Variants in FER observed in about 807,000 individuals in gnomAD.
FER encodes tyrosine-protein kinase Fer.
A neutral mutation model predicts 111.0 loss-of-function variants in FER; 63 were observed. The ratio of observed to expected loss-of-function variants is 0.57; its 90% CI spans 0.46 to 0.70. The LOEUF is 0.70. Ranked by LOEUF, FER falls within the 30% of genes least tolerant of loss-of-function variation. FER has a pLI of 0.00. For synonymous variants in FER, 327 were observed against 313.9 expected, an observed-to-expected ratio of 1.04 and a Z score of -0.44; for missense variants, 914 against 954.0, an observed-to-expected ratio of 0.96 and a Z score of 0.55.
At chr5:108,845,009 T>TAC (rs1761776695) in intron 5 of FER, among the ~76,000 whole-genome samples, 3 of 33,134 alleles carry the variant, frequency 9.1e-5, no homozygotes, top group Admixed American at 3.8e-4. Context: ...TATATATATA[T>TAC]ATATATATAT....
At chr5:108,870,225 A>T (rs923335886) in intron 6 of FER, among the ~76,000 whole-genome samples, 1 of 152,114 alleles carries the variant, frequency 6.6e-6, no homozygotes, top group Non-Finnish European at 1.5e-5. Flanking sequence ...ATCACCACAG[A>T]TGAATCTCAT....
At chr5:108,912,731 G>A (rs554017731) in intron 10 of FER, among the ~76,000 whole-genome samples, 1 of 152,236 alleles carries the variant, frequency 6.6e-6, no homozygotes, top group South Asian at 2.1e-4. Context: ...TGAAAGAAGA[G>A]CAAAACAAGA....
intron 2 of FER, among the ~76,000 whole-genome samples, chr5:108,790,362 A>G (rs1164443348): frequency 2.0e-5 from 3 of 152,202 alleles, no homozygotes; most frequent in African/African-American, 7.2e-5. Flanking sequence ...TATTGAAGTT[A>G]GAGAGCTAAA....
intron 13 of FER, among the ~76,000 whole-genome samples, chr5:109,001,590 C>G (rs966747870): frequency 1.3e-5 from 2 of 152,200 alleles, no homozygotes; most frequent in Non-Finnish European, 2.9e-5. Context: ...GGGATGCCCT[C>G]TCTCACCACT....
rs556232935 is a variant in FER, at chr5:108,886,147, G to A, written c.1046+2629G>A. Among the ~76,000 whole-genome samples the A allele has an allele frequency of 8.6e-5, 13 of 151,866 alleles. No homozygotes were observed. The East Asian group carries it at 2.5e-3, about 29-fold the overall frequency. ...TGTCTGGCTATAAGTTGTTGGAGGA[G>A]ATGATCTTTAAGGGCTCCCTAATCT... On this transcript the variant is annotated intron_variant, in intron 9 of 19. Transcript: ENST00000281092.
intron 17 of FER, among the ~76,000 whole-genome samples, chr5:109,153,998 A>G (rs1755111468): frequency 6.6e-6 from 1 of 151,844 alleles, no homozygotes; most frequent in Admixed American, 6.6e-5. Context: ...GATCTTTCTC[A>G]AGTCATTGTC....
At chr5:109,070,991 A>G (rs1775701182) in intron 16 of FER, among the ~76,000 whole-genome samples, 1 of 152,036 alleles carries the variant, frequency 6.6e-6, no homozygotes, top group African/African-American at 2.4e-5. Flanking sequence ...TGCTGTGGAT[A>G]ATATATACCA....
chr5:109,056,580 G>A (rs1028559449), intron 16 of FER, among the ~76,000 whole-genome samples: 3 of 152,160 alleles, frequency 2.0e-5, no homozygotes, highest in African/African-American at 7.2e-5. Flanking sequence ...AGAGGAAATG[G>A]GAAGATGTAG....
At chr5:109,047,325 CAA>C (rs1772126795) in intron 16 of FER, 127 bp downstream of exon 16, 7 of 588,590 alleles carry the variant, frequency 1.2e-5, no homozygotes, top group Non-Finnish European at 1.8e-5. Context: ...TTCCAGATAA[CAA>C]AAGAGTCTGT....
chr5:109,074,856 C>G (rs942482561), intron 16 of FER, among the ~76,000 whole-genome samples: 1 of 152,176 alleles, frequency 6.6e-6, no homozygotes, highest in African/African-American at 2.4e-5. Flanking sequence ...TGTTAGTTTG[C>G]TGTGCTAAGT....
At chr5:108,946,535 G>A (rs923235913) in intron 11 of FER, among the ~76,000 whole-genome samples, 10 of 151,758 alleles carry the variant, frequency 6.6e-5, no homozygotes, top group African/African-American at 2.4e-4. Context: ...ATTCTTACTG[G>A]AATAATAGTG....
intron 18 of FER, among the ~76,000 whole-genome samples, chr5:109,184,302 C>T (rs1215048590): frequency 2.0e-5 from 3 of 152,236 alleles, no homozygotes; most frequent in African/African-American, 4.8e-5. Flanking sequence ...CCATTAGCTG[C>T]GTGACCCTGG....
At chr5:109,118,260 T>C (rs1284821059) in intron 17 of FER, among the ~76,000 whole-genome samples, 1 of 152,222 alleles carries the variant, frequency 6.6e-6, no homozygotes, top group Non-Finnish European at 1.5e-5. Flanking sequence ...TCTATTGAGA[T>C]AATCATATGG....
At chr5:108,819,136 CT>C (rs1255201067) in intron 3 of FER, among the ~76,000 whole-genome samples, 1 of 151,188 alleles carries the variant, frequency 6.6e-6, no homozygotes, top group Non-Finnish European at 1.5e-5. Flanking sequence ...TCACCTCAGC[CT>C]CCCGAGTAGC....
intron 16 of FER, among the ~76,000 whole-genome samples, chr5:109,053,552 T>C (rs1457445554): frequency 7.2e-6 from 1 of 139,680 alleles, no homozygotes; most frequent in Non-Finnish European, 1.6e-5. Flanking sequence ...TGTCACTAGG[T>C]ATTAGCATTT....
chr5:108,943,952 T>G (rs1756621774), intron 10 of FER, among the ~76,000 whole-genome samples: 1 of 152,114 alleles, frequency 6.6e-6, no homozygotes, highest in African/African-American at 2.4e-5. Context: ...GAGGCTGGTA[T>G]CAAACTCCTG....
intron 16 of FER, among the ~76,000 whole-genome samples, chr5:109,082,705 A>G (rs984185635): frequency 6.6e-6 from 1 of 152,012 alleles, no homozygotes; most frequent in African/African-American, 2.4e-5. Flanking sequence ...GTAATCAGAT[A>G]CTACCAAAAT....
chr5:109,002,797 G>A (rs2149784531), intron 13 of FER, among the ~76,000 whole-genome samples: 1 of 152,208 alleles, frequency 6.6e-6, no homozygotes, highest in South Asian at 2.1e-4. Flanking sequence ...ATCAAAAAGG[G>A]GGCGAAGGAT....
intron 17 of FER, among the ~76,000 whole-genome samples, chr5:109,155,215 C>G (rs1356370337): frequency 2.0e-5 from 3 of 151,858 alleles, no homozygotes; most frequent in Non-Finnish European, 4.4e-5. Flanking sequence ...TCTTAAGTAA[C>G]TGATATGTTA....
Sources: gnomAD v4.1 joint callset for allele counts (sites outside exome capture counted in the v4.1 genomes callset) on GRCh38, gnomAD v4.1.1 for gene constraint, MANE v1.5 for transcripts, NCBI Gene and HGNC (gene_info 2026-07-23, HGNC 2026-07-21) for gene names.